Variants in DMXL1 observed in about 807,000 individuals in gnomAD.
The protein encoded by DMXL1 is dmX-like protein 1.
A neutral mutation model predicts 319.2 loss-of-function variants in DMXL1; 99 were observed. The observed-to-expected ratio is 0.31, with a 90% CI of 0.26 to 0.37. The LOEUF (loss-of-function observed/expected upper bound fraction) is 0.37. DMXL1 is among the 10% of genes least tolerant of loss of function. DMXL1 has a pLI of 1.00. For synonymous variants in DMXL1, 1,385 were observed against 1,235.2 expected (o/e 1.12, Z -2.54); for missense variants, 3,745 against 3,595.6 (o/e 1.04, Z -1.06).
At position 119,233,320 on chromosome 5, in the gene DMXL1, T is replaced by A. The variant is rs1450195031; in HGVS notation, c.8339-20T>A. 6.3e-7 allele frequency: 1 copy of A among 1,594,426 alleles called. No individual in the cohort carries two copies. Among genetic ancestry groups the A allele is most frequent in the South Asian group, 1.2e-5 (1 of 86,546 alleles). Reference sequence around the variant, plus strand: ...AGATTCTTGAAATAAATCTGCAATTTTTGCCCTCTTGTAATGCAGATCTGA... The same window carrying A: ...AGATTCTTGAAATAAATCTGCAATTATTGCCCTCTTGTAATGCAGATCTGA... On this transcript the variant is annotated intron_variant, in intron 38 of 43. Coordinates refer to ENST00000539542, the MANE Select transcript of DMXL1 (RefSeq NM_001290321.3).
At chr5:119,104,487 A>T (rs1271753823) in intron 3 of DMXL1, among the ~76,000 whole-genome samples, 3 of 152,218 alleles carry the variant, frequency 2.0e-5, no homozygotes, top group Non-Finnish European at 4.4e-5. Context: ...CCAAAGTTTG[A>T]GAGCCACCAC....
At chr5:119,228,897 G>GAAAAAAAAA (rs1786116788) in intron 38 of DMXL1, among the ~76,000 whole-genome samples, 1 of 152,012 alleles carries the variant, frequency 6.6e-6, no homozygotes. Flanking sequence ...AATGTTGTAG[G>GAAAAAAAAA]AAAAAAACCT....
At chr5:119,106,656 G>A (rs1480385387) in intron 4 of DMXL1, among the ~76,000 whole-genome samples, 1 of 152,132 alleles carries the variant, frequency 6.6e-6, no homozygotes, top group Non-Finnish European at 1.5e-5. Context: ...ATGGTTTTGC[G>A]AGATTTGTCT....
At chr5:119,203,290 A>G (rs769308114) in intron 32 of DMXL1, 29 bp from the exon 33 acceptor site, 2 of 1,409,918 alleles carry the variant, frequency 1.4e-6, no homozygotes, top group African/African-American at 1.4e-5. Context: ...TCTGAAGTTT[A>G]TCATTAAATT....
At chr5:119,122,015 C>T (rs1247447361) in intron 9 of DMXL1, among the ~76,000 whole-genome samples, 18 of 143,052 alleles carry the variant, frequency 1.3e-4, no homozygotes, top group African/African-American at 3.9e-4. Flanking sequence ...ACCTCCCGGA[C>T]GGGGCGGCTG....
At chr5:119,215,795 A>G (rs1783573028) in intron 34 of DMXL1, among the ~76,000 whole-genome samples, 1 of 152,176 alleles carries the variant, frequency 6.6e-6, no homozygotes, top group Non-Finnish European at 1.5e-5. Flanking sequence ...AATTCATTTT[A>G]AAAGATTGAA....
intron 13 of DMXL1, among the ~76,000 whole-genome samples, chr5:119,142,105 A>G (rs964463161): frequency 5.9e-5 from 9 of 152,190 alleles, no homozygotes; most frequent in African/African-American, 2.2e-4. Context: ...ATATACAGAA[A>G]TCAACTCAAA....
chr5:119,121,800 A>G (rs1762118667), intron 9 of DMXL1, among the ~76,000 whole-genome samples: 1 of 151,738 alleles, frequency 6.6e-6, no homozygotes, highest in Non-Finnish European at 1.5e-5. Context: ...TGTTGGGTAC[A>G]CCTCCCAGAC....
intron 43 of DMXL1, among the ~76,000 whole-genome samples, chr5:119,245,354 T>A (rs1789543430): frequency 6.6e-6 from 1 of 152,202 alleles, no homozygotes; most frequent in Admixed American, 6.5e-5. Flanking sequence ...TCAGATGGGT[T>A]TTTTAAAACC....
chr5:119,167,179 A>G (rs1773602621), intron 22 of DMXL1, among the ~76,000 whole-genome samples: 2 of 152,306 alleles, frequency 1.3e-5, no homozygotes, highest in East Asian at 3.9e-4. Context: ...TATTTAAGAT[A>G]CAACATTTCT....
intron 38 of DMXL1, among the ~76,000 whole-genome samples, chr5:119,225,067 C>CATTT (rs1026221147): frequency 2.6e-5 from 4 of 151,932 alleles, no homozygotes; most frequent in African/African-American, 9.7e-5. Context: ...TAAGTTAACA[C>CATTT]ATTTTATCTT....
In DMXL1 at chr5:119,150,256, A is replaced by G. The variant is rs764958444; in HGVS notation, c.4429A>G (p.Ser1477Gly). ...KPRVIDLSQYSPTYFGPEHAQ... is the reference protein window; with the variant it reads ...KPRVIDLSQYGPTYFGPEHAQ... The stretch of plus-strand genomic sequence containing the variant: ...TAGAGTTATTGACCTTTCACAGTAC[A>G]GTCCGACTTACTTTGGACCTGAGCA... The change falls in exon 18 of 44, where the codon AGT (serine) becomes GGT (glycine). Residue 1477 changes from serine to glycine, a missense_variant. Around this residue, in one of 4 missense-constraint regions of DMXL1, gnomAD observed 2,096 missense variants for 1,985.4 expected, o/e 1.06. Transcript: ENST00000539542. 72 of 1,613,748 alleles carry G rather than the reference A, an allele frequency of 4.5e-5. No homozygotes were observed. The highest frequency in any genetic ancestry group is 5.7e-5 in the Non-Finnish European group (67 of 1,179,852).
chr5:119,129,171 A>G, intron 9 of DMXL1, 40 bp from the exon 10 acceptor site: 1 of 1,292,824 alleles, frequency 7.7e-7, no homozygotes, highest in East Asian at 2.5e-5. Context: ...CATATGCTAG[A>G]AGGTAAAAAT....
At chr5:119,113,140 A>G (rs1246344218) in intron 5 of DMXL1, among the ~76,000 whole-genome samples, 1 of 152,226 alleles carries the variant, frequency 6.6e-6, no homozygotes, top group Non-Finnish European at 1.5e-5. Context: ...ATGTAAACAT[A>G]TACAGTGGAA....
In DMXL1 at chr5:119,121,029, C is replaced by CGG; in HGVS notation, c.994_995dup (p.Tyr333AspfsTer47). 1 of 1,613,618 alleles carries CGG rather than the reference C, an allele frequency of 6.2e-7. No homozygotes were observed. The highest frequency in any genetic ancestry group is 8.5e-7 in the Non-Finnish European group (1 of 1,179,866). Reference sequence around the variant, plus strand: ...AGATCACTTGCTCTTGTAGCACATACGGGATATCTACCACATCAGCAGGAT... The same window carrying CGG: ...AGATCACTTGCTCTTGTAGCACATACGGGGGATATCTACCACATCAGCAGGAT... On this transcript the variant is annotated frameshift_variant, in exon 9 of 44. Transcript: ENST00000539542. LOFTEE classifies it high-confidence loss of function.
Position 119,118,888 on chromosome 5 carries a change from C to T in DMXL1, c.817C>T (p.Pro273Ser). 1 of 1,613,780 alleles carries T rather than the reference C, an allele frequency of 6.2e-7. No individual in the cohort carries two copies. Among genetic ancestry groups the T allele is most frequent in the East Asian group, 2.2e-5 (1 of 44,834 alleles). The change falls in exon 8 of 44, where the codon CCA (proline) becomes TCA (serine). Residue 273 changes from proline to serine, a missense_variant. Transcript: ENST00000539542. ...VCRLWVETFL[P>S]NDCLLYGGDC... is the part of the protein sequence containing the mutation. ...TCGTCTTTGGGTAGAGACATTTTTA[C>T]CAAATGATTGTTTGCTATACGGAGG...
At chr5:119,074,743 C>G (rs1462890467) in intron 1 of DMXL1, among the ~76,000 whole-genome samples, 1 of 152,184 alleles carries the variant, frequency 6.6e-6, no homozygotes, top group Admixed American at 6.5e-5. Context: ...CATCTTTATT[C>G]TATCATTAAC....
chr5:119,209,178 A>G (rs762714906), intron 34 of DMXL1, among the ~76,000 whole-genome samples: 2 of 152,202 alleles, frequency 1.3e-5, no homozygotes. Context: ...TGCAAAAGTC[A>G]CATTTTATGG....
At chr5:119,118,582 C>A (rs570888171) in intron 7 of DMXL1, among the ~76,000 whole-genome samples, 3 of 151,984 alleles carry the variant, frequency 2.0e-5, no homozygotes, top group South Asian at 4.2e-4. Flanking sequence ...GAGACCACAT[C>A]TCTTAAAAAA....
Sources: gnomAD v4.1 joint callset for allele counts (sites outside exome capture counted in the v4.1 genomes callset) on GRCh38, gnomAD v4.1.1 for gene constraint, gnomAD v4.1.1 regional missense constraint, MANE v1.5 for transcripts, NCBI Gene and HGNC (gene_info 2026-07-23, HGNC 2026-07-21) for gene names.